Variants in RALYL observed in about 807,000 individuals in gnomAD.
RALYL encodes the protein RNA-binding Raly-like protein.
RALYL carries 29 observed loss-of-function variants against 35.1 expected under a neutral mutation model. The ratio of observed to expected loss-of-function variants is 0.83; its 90% CI spans 0.61 to 1.13. The LOEUF is 1.13. Ranked by LOEUF, RALYL falls within the 50% of genes most tolerant of loss-of-function variation. The probability of loss-of-function intolerance (pLI) is 0.00; values close to 1 mark genes in which losing one functional copy is unlikely to be tolerated. For missense variants in RALYL, 359 were observed against 360.4 expected, an observed-to-expected ratio of 1.00 and a Z score of 0.03; for synonymous variants, 120 against 127.6, an observed-to-expected ratio of 0.94 and a Z score of 0.40.
chr8:84,692,451 A>G (rs1838254247), intron 2 of RALYL, among the ~76,000 whole-genome samples: 1 of 152,020 alleles, frequency 6.6e-6, no homozygotes, highest in Non-Finnish European at 1.5e-5. Context: ...TACAATTCTA[A>G]TGTTTCAGCA....
chr8:84,863,876 T>C (rs1426235593), intron 6 of RALYL, among the ~76,000 whole-genome samples: 6 of 152,206 alleles, frequency 3.9e-5, no homozygotes, highest in African/African-American at 1.4e-4. Context: ...ATGAATTCCA[T>C]TTTGAGTCTT....
intron 2 of RALYL, among the ~76,000 whole-genome samples, chr8:84,772,167 T>G (rs981149171): frequency 8.5e-5 from 13 of 152,128 alleles, no homozygotes; most frequent in African/African-American, 3.1e-4. Context: ...ATTGTATGCA[T>G]GTACAGTTTT....
chr8:84,334,850 A>T (rs542811004), intron 1 of RALYL, among the ~76,000 whole-genome samples: 2 of 152,284 alleles, frequency 1.3e-5, no homozygotes, highest in East Asian at 3.9e-4. Context: ...TCTCTAGTCC[A>T]GTCCCATTTA....
intron 2 of RALYL, among the ~76,000 whole-genome samples, chr8:84,634,601 C>G (rs1824630030): frequency 6.6e-6 from 1 of 151,604 alleles, no homozygotes; most frequent in Admixed American, 6.6e-5. Flanking sequence ...GGCTTAGCAG[C>G]CCTTATTATA....
intron 1 of RALYL, among the ~76,000 whole-genome samples, chr8:84,293,342 A>G (rs1839133639): frequency 6.6e-6 from 1 of 152,140 alleles, no homozygotes; most frequent in Admixed American, 6.6e-5. Flanking sequence ...GATGTTCCCA[A>G]ATCCTCTGGT....
At chr8:84,581,433 T>G (rs945983018) in intron 2 of RALYL, among the ~76,000 whole-genome samples, 3 of 152,178 alleles carry the variant, frequency 2.0e-5, no homozygotes, top group Non-Finnish European at 4.4e-5. Context: ...ATTTCATGTC[T>G]ATATGCCCAG....
intron 2 of RALYL, among the ~76,000 whole-genome samples, chr8:84,581,620 T>C (rs1810859392): frequency 6.6e-6 from 1 of 152,218 alleles, no homozygotes; most frequent in African/African-American, 2.4e-5. Context: ...ATGTTTCATC[T>C]CCATGACTTG....
intron 1 of RALYL, among the ~76,000 whole-genome samples, chr8:84,435,184 CA>C (rs2047568458): frequency 6.6e-6 from 1 of 151,976 alleles, no homozygotes; most frequent in South Asian, 2.1e-4. Flanking sequence ...GTGATTCTAA[CA>C]CTGTGATTAT....
At chr8:84,204,622 A>G (rs1487480785) in intron 1 of RALYL, among the ~76,000 whole-genome samples, 2 of 152,120 alleles carry the variant, frequency 1.3e-5, no homozygotes, top group Non-Finnish European at 2.9e-5. Context: ...GTCTCACCAT[A>G]CTATGTTCCC....
chr8:84,307,390 G>T (rs1842017875), intron 1 of RALYL, among the ~76,000 whole-genome samples: 1 of 152,002 alleles, frequency 6.6e-6, no homozygotes, highest in Non-Finnish European at 1.5e-5. Context: ...TAAGTTAAAG[G>T]TTAGCCCAGA....
intron 2 of RALYL, among the ~76,000 whole-genome samples, chr8:84,660,842 T>C (rs1830765571): frequency 6.6e-6 from 1 of 152,068 alleles, no homozygotes; most frequent in African/African-American, 2.4e-5. Context: ...GAAAAGAAAG[T>C]TTGGATTCTA....
chr8:84,267,183 C>A lies in RALYL; in HGVS notation c.-24+82759C>A, dbSNP rs1291282165. On this transcript the variant is annotated intron_variant, in intron 1 of 8. Transcript: ENST00000521268. ...TAAAGGAAAATGACCAAAATCTATTCTTTTCCTCTTTCAAATAAGAAAGAA... is the reference window on the plus strand; with the variant it reads ...TAAAGGAAAATGACCAAAATCTATTATTTTCCTCTTTCAAATAAGAAAGAA... Among the ~76,000 whole-genome samples, 5 of 152,208 alleles carry A rather than the reference C, an allele frequency of 3.3e-5. No individual in the cohort carries two copies. In the South Asian group the frequency reaches 8.3e-4, roughly 25 times the overall value.
chr8:84,699,293 AT>A (rs772288077), intron 2 of RALYL, among the ~76,000 whole-genome samples: 1 of 152,052 alleles, frequency 6.6e-6, no homozygotes, highest in African/African-American at 2.4e-5. Context: ...CTGAGGAAGT[AT>A]TTTTTATAAG....
intron 1 of RALYL, chr8:84,185,138 C>A: frequency 1.0e-6 from 1 of 964,846 alleles, no homozygotes; most frequent in Non-Finnish European, 1.7e-6. Context: ...TGTCGTCTTC[C>A]AGGGGATGGG....
chr8:84,358,933 C>A (rs1241709634), intron 1 of RALYL, among the ~76,000 whole-genome samples: 1 of 151,884 alleles, frequency 6.6e-6, no homozygotes, highest in African/African-American at 2.4e-5. Context: ...TGTAAAATTG[C>A]TGAGTACTTT....
chr8:84,434,432 C>G (rs1010667013), intron 1 of RALYL, among the ~76,000 whole-genome samples: 1 of 152,014 alleles, frequency 6.6e-6, no homozygotes. Context: ...TTCTAGAAAG[C>G]CCTGTGAAAT....
chr8:84,830,079 G>A (rs55695423), intron 4 of RALYL, among the ~76,000 whole-genome samples: 3,652 of 149,592 alleles, frequency 0.024, 74 homozygotes, highest in Non-Finnish European at 0.041. Flanking sequence ...TATGAAAAAT[G>A]AGGCACTAAA....
At chr8:84,436,516 G>T (rs2047726953) in intron 1 of RALYL, among the ~76,000 whole-genome samples, 1 of 137,066 alleles carries the variant, frequency 7.3e-6, no homozygotes, top group African/African-American at 2.7e-5. Flanking sequence ...GCACTAAAAA[G>T]AGAGTGTCTT....
intron 1 of RALYL, among the ~76,000 whole-genome samples, chr8:84,220,186 A>G (rs16912553): frequency 0.019 from 2,821 of 152,210 alleles, 94 homozygotes; most frequent in African/African-American, 0.064. Context: ...TTACTAAGTT[A>G]TGAGATTAAT....
Sources: gnomAD v4.1 joint callset for allele counts (sites outside exome capture counted in the v4.1 genomes callset) on GRCh38, gnomAD v4.1.1 for gene constraint, MANE v1.5 for transcripts, NCBI Gene and HGNC (gene_info 2026-07-23, HGNC 2026-07-21) for gene names.